BAG4: variants seen among roughly 807,000 people sequenced by gnomAD.
The protein encoded by BAG4 is BAG family molecular chaperone regulator 4.
A neutral mutation model predicts 52.1 loss-of-function variants in BAG4; 28 were observed. The ratio of observed to expected loss-of-function variants is 0.54; its 90% confidence interval spans 0.40 to 0.74. BAG4 has a LOEUF of 0.74. BAG4 is among the 30% of genes least tolerant of loss of function. BAG4 has a pLI of 0.00. For missense variants in BAG4, 525 were observed against 572.0 expected (o/e 0.92, Z 0.84); for synonymous variants, 208 against 217.0 (o/e 0.96, Z 0.37).
chr8:38,209,959 C>G (rs1023423729), intron 4 of BAG4, 49 bp from the exon 5 acceptor site: 6 of 1,575,434 alleles, frequency 3.8e-6, no homozygotes, highest in Non-Finnish European at 5.2e-6. Flanking sequence ...GATGTTGATG[C>G]ATTCCCATTA....
At chr8:38,180,412 A>G (rs1803242710) in intron 1 of BAG4, among the ~76,000 whole-genome samples, 1 of 151,160 alleles carries the variant, frequency 6.6e-6, no homozygotes, top group African/African-American at 2.4e-5. Context: ...AATCCCAGCT[A>G]CTAGGGGCAC....
At chr8:38,190,220 C>T (rs1015924222) in intron 1 of BAG4, among the ~76,000 whole-genome samples, 8 of 152,120 alleles carry the variant, frequency 5.3e-5, no homozygotes, top group African/African-American at 1.9e-4. Flanking sequence ...AATAACACTA[C>T]TGTATGTATT....
intron 1 of BAG4, 67 bp downstream of exon 1, chr8:38,177,206 C>T (rs760142509): frequency 4.4e-6 from 7 of 1,581,770 alleles, no homozygotes; most frequent in Non-Finnish European, 6.0e-6. Flanking sequence ...CGTAAAGGAT[C>T]GGGTTTCATA....
At chr8:38,180,522 C>CAAAAAAAAAAA (rs1161178024) in intron 1 of BAG4, among the ~76,000 whole-genome samples, 737 of 26,494 alleles carry the variant, frequency 0.028, 107 homozygotes, top group African/African-American at 0.049. Flanking sequence ...GACTCCGTCT[C>CAAAAAAAAAAA]AAAAAAAAAA....
chr8:38,198,592 A>C (rs1803608087), intron 2 of BAG4, among the ~76,000 whole-genome samples: 1 of 148,512 alleles, frequency 6.7e-6, no homozygotes, highest in South Asian at 2.2e-4. Context: ...AGGTTCAAGC[A>C]ATTCTCCTGC....
chr8:38,192,629 T>C lies in BAG4; in HGVS notation c.271-59T>C, dbSNP rs1435618808. On this transcript the variant is annotated intron_variant, in intron 1 of 4. Transcript: ENST00000287322. ...TCCTTATAACCTGCCTCTATCAATC[T>C]ATCTTAAAATGATGTATGAATGTTA... 1.1e-5 allele frequency: 15 copies of C among 1,328,794 alleles called. No individual in the cohort carries two copies. The East Asian group carries it at 3.0e-4, about 27-fold the overall frequency. 82.3% of individuals were successfully genotyped at this position (1,328,794 alleles called of 1,614,324 possible). A position where few individuals can be genotyped will look rare whatever the true frequency, so the allele number is the denominator to read the frequency against.
intron 1 of BAG4, 143 bp downstream of exon 1, chr8:38,177,282 G>A (rs1169392887): frequency 8.8e-7 from 1 of 1,141,262 alleles, no homozygotes; most frequent in African/African-American, 1.6e-5. Context: ...ACTAAGATCA[G>A]AGGTTGGGGG....
At chr8:38,180,868 C>T (rs543685732) in intron 1 of BAG4, among the ~76,000 whole-genome samples, 2 of 151,902 alleles carry the variant, frequency 1.3e-5, no homozygotes, top group African/African-American at 4.8e-5. Flanking sequence ...AGATGATGTA[C>T]TGAACTACAA....
At chr8:38,182,242 C>A (rs1585650764) in intron 1 of BAG4, among the ~76,000 whole-genome samples, 1 of 152,152 alleles carries the variant, frequency 6.6e-6, no homozygotes, top group Admixed American at 6.5e-5. Context: ...AACCATATAG[C>A]TATACAAATA....
At chr8:38,209,936 G>T in intron 4 of BAG4, 72 bp from the exon 5 acceptor site, 1 of 1,539,872 alleles carries the variant, frequency 6.5e-7, no homozygotes, top group Non-Finnish European at 8.8e-7. Context: ...GAAAGATGTG[G>T]GCTAACAAAT....
At chr8:38,204,771 TG>T (rs1289002589) in intron 2 of BAG4, among the ~76,000 whole-genome samples, 2 of 152,094 alleles carry the variant, frequency 1.3e-5, no homozygotes, top group Non-Finnish European at 2.9e-5. Flanking sequence ...TTGGTTTCAA[TG>T]GGTTATCAGT....
intron 1 of BAG4, among the ~76,000 whole-genome samples, chr8:38,184,755 T>C (rs1803335176): frequency 6.6e-6 from 1 of 151,932 alleles, no homozygotes; most frequent in Admixed American, 6.6e-5. Context: ...GGGAGAAAGG[T>C]TTGTAGACTT....
intron 3 of BAG4, 87 bp from the exon 4 acceptor site, chr8:38,208,926 A>T: frequency 7.0e-7 from 1 of 1,436,834 alleles, no homozygotes; most frequent in Admixed American, 2.1e-5. Context: ...TTAAGAAGAG[A>T]GGAAGCATCT....
Position 38,212,545 on chromosome 8 carries a change from G to C in BAG4, c.*2052G>C, listed in dbSNP as rs886976079. On this transcript the variant is annotated 3_prime_UTR_variant, in exon 5 of 5. Coordinates refer to ENST00000287322, the MANE Select transcript of BAG4 (RefSeq NM_004874.4). ...CTAACTAAAGTAGAAAGTTTAAAAA[G>C]TAGAGATTTTAGTCTTTTCACTAAT... 6.6e-6 allele frequency: 1 copy of C among 152,160 alleles called. No individual in the cohort carries two copies. Among genetic ancestry groups the C allele is most frequent in the Non-Finnish European group, 1.5e-5 (1 of 68,014 alleles). 9.4% of individuals were successfully genotyped at this position (152,160 alleles called of 1,614,324 possible). A position where few individuals can be genotyped will look rare whatever the true frequency, so the allele number is the denominator to read the frequency against.
chr8:38,176,968 T>G lies in BAG4; in HGVS notation c.99T>G (p.Pro33=). Residue 33 remains proline (P), a synonymous_variant, in exon 1 of 5, where the codon CCT becomes CCG. Coordinates refer to ENST00000287322, the MANE Select transcript of BAG4 (RefSeq NM_004874.4). ...PGGGDVPVHP[P]PPLYPLRPEP... is the part of the protein sequence containing the mutation. ...GTGGAGATGTGCCGGTACACCCACC[T>G]CCACCCTTATATCCTCTTCGCCCTG... 6.4e-7 allele frequency: 1 copy of G among 1,574,562 alleles called. No homozygotes were observed. Among genetic ancestry groups the G allele is most frequent in the Non-Finnish European group, 8.6e-7 (1 of 1,160,240 alleles).
intron 1 of BAG4, among the ~76,000 whole-genome samples, chr8:38,190,600 ATTT>A (rs540081789): frequency 1.5e-5 from 2 of 131,190 alleles, no homozygotes; most frequent in Non-Finnish European, 1.6e-5. Flanking sequence ...CCCACCTGAC[ATTT>A]TTTTTTTTTT....
intron 1 of BAG4, among the ~76,000 whole-genome samples, chr8:38,178,742 G>C (rs1232230300): frequency 2.0e-5 from 3 of 152,188 alleles, no homozygotes; most frequent in Admixed American, 6.5e-5. Context: ...ATATGAAATG[G>C]CCAGAGTAGG....
chr8:38,181,886 C>CAAAAAAAAAAAAAAAA, intron 1 of BAG4, among the ~76,000 whole-genome samples: 1 of 37,244 alleles, frequency 2.7e-5, no homozygotes, highest in Non-Finnish European at 4.5e-5. Flanking sequence ...GAGACTATCT[C>CAAAAAAAAAAAAAAAA]AAAAAAAAAA....
intron 1 of BAG4, among the ~76,000 whole-genome samples, chr8:38,185,288 T>A (rs1803346088): frequency 6.6e-6 from 1 of 152,176 alleles, no homozygotes; most frequent in South Asian, 2.1e-4. Context: ...GAGTTCATAT[T>A]TATATTAATT....
Sources: allele counts gnomAD v4.1 joint callset (sites outside exome capture counted in the v4.1 genomes callset), GRCh38; gene constraint gnomAD v4.1.1; transcripts MANE v1.5; gene names NCBI Gene and HGNC (gene_info 2026-07-23, HGNC 2026-07-21).